HS6ST3: variants seen among roughly 807,000 people sequenced by gnomAD.
HS6ST3 encodes the protein heparan sulfate 6-O-sulfotransferase 3, also known as heparan-sulfate 6-O-sulfotransferase 3.
A neutral mutation model predicts 36.7 loss-of-function variants in HS6ST3; 12 were observed. The ratio of observed to expected loss-of-function variants is 0.33; its 90% confidence interval spans 0.21 to 0.53. The LOEUF (loss-of-function observed/expected upper bound fraction) is 0.53, where lower values mean the gene tolerates loss of function less well. Among genes scored for constraint, HS6ST3 ranks in the 20% least tolerant of loss-of-function variants. The pLI, the probability that HS6ST3 is intolerant of heterozygous loss-of-function variation, is 0.95. For missense variants in HS6ST3, 584 were observed against 640.9 expected (o/e 0.91, Z 0.96); for synonymous variants, 240 against 257.5 (o/e 0.93, Z 0.65).
chr13:96,151,121 A>G (rs2054082802), intron 1 of HS6ST3, among the ~76,000 whole-genome samples: 1 of 152,052 alleles, frequency 6.6e-6, no homozygotes, highest in Non-Finnish European at 1.5e-5. Flanking sequence ...ACCTGGATAC[A>G]CGCTGGGCAC....
chr13:96,521,874 AT>A (rs2056094869), intron 1 of HS6ST3, among the ~76,000 whole-genome samples: 1 of 151,724 alleles, frequency 6.6e-6, no homozygotes. Context: ...TAATCTTAGT[AT>A]TTCTTGTCTT....
chr13:96,095,902 GTT>G (rs1555385586), intron 1 of HS6ST3, among the ~76,000 whole-genome samples: 7 of 150,846 alleles, frequency 4.6e-5, no homozygotes, highest in Admixed American at 1.3e-4. Flanking sequence ...GTGTGTGTGT[GTT>G]ATCAGGAAGA....
At chr13:96,789,442 G>A (rs866478279) in intron 1 of HS6ST3, among the ~76,000 whole-genome samples, 8 of 151,642 alleles carry the variant, frequency 5.3e-5, no homozygotes, top group South Asian at 2.1e-4. Context: ...TGGCTCAATC[G>A]TTCATATTTA....
At chr13:96,123,869 C>T (rs956166568) in intron 1 of HS6ST3, among the ~76,000 whole-genome samples, 1 of 152,094 alleles carries the variant, frequency 6.6e-6, no homozygotes, top group African/African-American at 2.4e-5. Context: ...ATGCAAAAAT[C>T]CTTTTGAAGC....
intron 1 of HS6ST3, among the ~76,000 whole-genome samples, chr13:96,155,974 A>G (rs2054108783): frequency 1.3e-5 from 2 of 152,172 alleles, no homozygotes; most frequent in South Asian, 4.1e-4. Flanking sequence ...CGCTTGAAAC[A>G]TTCTCTCCCT....
chr13:96,204,526 A>C (rs61968043), intron 1 of HS6ST3, among the ~76,000 whole-genome samples: 9,984 of 152,224 alleles, frequency 0.066, 461 homozygotes, highest in Middle Eastern at 0.12. Context: ...CTCTCCACCC[A>C]AAAACAACAG....
intron 1 of HS6ST3, among the ~76,000 whole-genome samples, chr13:96,344,569 T>G (rs2055144739): frequency 1.3e-5 from 2 of 152,240 alleles, no homozygotes; most frequent in South Asian, 4.1e-4. Flanking sequence ...GGTCATTTTT[T>G]GAACCTAGTG....
At chr13:96,717,818 G>T (rs1480347032) in intron 1 of HS6ST3, among the ~76,000 whole-genome samples, 1 of 152,146 alleles carries the variant, frequency 6.6e-6, no homozygotes, top group African/African-American at 2.4e-5. Flanking sequence ...TCCGCACAAG[G>T]ATCCCATCAG....
intron 1 of HS6ST3, among the ~76,000 whole-genome samples, chr13:96,581,224 T>A (rs984693838): frequency 1.3e-5 from 2 of 148,724 alleles, no homozygotes; most frequent in Admixed American, 6.7e-5. Flanking sequence ...CAACTACTAT[T>A]TTTTTTTTTT....
intron 1 of HS6ST3, among the ~76,000 whole-genome samples, chr13:96,427,858 C>T (rs575530905): frequency 9.2e-5 from 14 of 152,148 alleles, no homozygotes; most frequent in Non-Finnish European, 2.1e-4. Context: ...TTGACCTTGA[C>T]ACTTTGAGAG....
intron 1 of HS6ST3, among the ~76,000 whole-genome samples, chr13:96,770,277 G>A (rs940806481): frequency 8.5e-5 from 13 of 152,126 alleles, no homozygotes; most frequent in Non-Finnish European, 1.5e-4. Context: ...GAGCTCCTAT[G>A]GATGAATTTA....
At chr13:96,685,127 A>C (rs879393824) in intron 1 of HS6ST3, among the ~76,000 whole-genome samples, 10 of 152,070 alleles carry the variant, frequency 6.6e-5, no homozygotes, top group Non-Finnish European at 1.5e-4. Context: ...TCTATTTTTA[A>C]CTGATAAGTA....
At chr13:96,404,317 A>G (rs1386747677) in intron 1 of HS6ST3, among the ~76,000 whole-genome samples, 1 of 152,178 alleles carries the variant, frequency 6.6e-6, no homozygotes, top group Admixed American at 6.5e-5. Flanking sequence ...ATTTAGTGCA[A>G]TACTGTATGA....
chr13:96,141,570 C>G (rs866521804), intron 1 of HS6ST3, among the ~76,000 whole-genome samples: 1 of 152,172 alleles, frequency 6.6e-6, no homozygotes, highest in Admixed American at 6.5e-5. Context: ...TCAAGTGATC[C>G]GCCTGCCTCA....
chr13:96,663,734 A>G (rs933471911), intron 1 of HS6ST3, among the ~76,000 whole-genome samples: 2 of 152,198 alleles, frequency 1.3e-5, no homozygotes, highest in Non-Finnish European at 2.9e-5. Flanking sequence ...CTAATAGTCC[A>G]ATTCAAACGT....
intron 1 of HS6ST3, among the ~76,000 whole-genome samples, chr13:96,703,274 G>C (rs1461983382): frequency 6.6e-6 from 1 of 152,178 alleles, no homozygotes; most frequent in African/African-American, 2.4e-5. Context: ...GCCCATCATT[G>C]ATGCTTTTAC....
chr13:96,690,027 T>C (rs557390109), intron 1 of HS6ST3, among the ~76,000 whole-genome samples: 53 of 152,086 alleles, frequency 3.5e-4, no homozygotes, highest in Non-Finnish European at 6.8e-4. Flanking sequence ...CTCTGATAGA[T>C]GCTGGAACAG....
chr13:96,735,446 T>TA (rs1876259461), intron 1 of HS6ST3, among the ~76,000 whole-genome samples: 2 of 152,146 alleles, frequency 1.3e-5, no homozygotes, highest in Admixed American at 1.3e-4. Flanking sequence ...AATCTAAGTA[T>TA]TCACTGTAAA....
At chr13:96,292,196 GA>G (rs1769272277) in intron 1 of HS6ST3, among the ~76,000 whole-genome samples, 1 of 139,372 alleles carries the variant, frequency 7.2e-6, no homozygotes. Flanking sequence ...GAAGTTTTTA[GA>G]AGTTTAGAGT....
Sources: allele counts gnomAD v4.1 joint callset (sites outside exome capture counted in the v4.1 genomes callset), GRCh38; gene constraint gnomAD v4.1.1; transcripts MANE v1.5; gene names NCBI Gene and HGNC (gene_info 2026-07-23, HGNC 2026-07-21).